Variants in RARB observed in about 807,000 individuals in gnomAD.
The protein encoded by RARB is retinoic acid receptor beta.
In RARB, 17 loss-of-function variants were observed where a neutral mutation model predicts 51.9. That is an observed-to-expected ratio of 0.33 (90% confidence interval 0.22 to 0.49). RARB has a LOEUF of 0.49. RARB is among the 20% of genes least tolerant of loss of function. The pLI, the probability that RARB is intolerant of heterozygous loss-of-function variation, is 0.99. For synonymous variants in RARB, 215 were observed against 195.4 expected (o/e 1.10, Z -0.84); for missense variants, 369 against 550.8 (o/e 0.67, Z 3.30).
At chr3:25,329,516 C>G (rs779240272) in intron 5 of RARB, among the ~76,000 whole-genome samples, 15 of 152,162 alleles carry the variant, frequency 9.9e-5, no homozygotes, top group Non-Finnish European at 2.2e-4. Context: ...ATATCACCAT[C>G]ATCAAAGACC....
chr3:25,278,647 GT>G (rs1455664902), intron 5 of RARB, among the ~76,000 whole-genome samples: 1 of 152,194 alleles, frequency 6.6e-6, no homozygotes, highest in Non-Finnish European at 1.5e-5. Context: ...ATCTAAATGG[GT>G]AGAAACCCAG....
chr3:25,169,766 T>A (rs1452800561), intron 4 of RARB, among the ~76,000 whole-genome samples: 1 of 151,890 alleles, frequency 6.6e-6, no homozygotes, highest in Admixed American at 6.5e-5. Flanking sequence ...GGCAGAAGGA[T>A]CACTTGAGTC....
intron 5 of RARB, among the ~76,000 whole-genome samples, chr3:25,592,074 T>C (rs552253252): frequency 2.0e-4 from 30 of 151,446 alleles, no homozygotes; most frequent in African/African-American, 6.9e-4. Context: ...GATGAGAGAT[T>C]TGACAGAAGT....
At chr3:25,580,993 A>T (rs1021404922) in intron 5 of RARB, among the ~76,000 whole-genome samples, 5 of 152,108 alleles carry the variant, frequency 3.3e-5, no homozygotes, top group Admixed American at 1.3e-4. Context: ...GTCTGTTTCT[A>T]AGTTTACCCC....
Position 25,225,001 on chromosome 3 carries a change from G to A in RARB, c.178+50426G>A, listed in dbSNP as rs73149229. On this transcript the variant is annotated intron_variant, in intron 5 of 11. Coordinates refer to the RARB transcript ENST00000383772. ...AGATGTAGTCCTCTATAGTACTCTAGATTTTATAAATTTTATAAATCTAGA... is the reference window on the plus strand; with the variant it reads ...AGATGTAGTCCTCTATAGTACTCTAAATTTTATAAATTTTATAAATCTAGA... Among the ~76,000 whole-genome samples, 858 of 152,116 alleles carry A rather than the reference G, an allele frequency of 5.6e-3. 14 individuals are homozygous for A. Among genetic ancestry groups the A allele is most frequent in the African/African-American group, 0.018 (758 of 41,502 alleles).
chr3:25,570,403 C>T (rs1375670480), intron 4 of RARB, among the ~76,000 whole-genome samples: 2 of 152,206 alleles, frequency 1.3e-5, no homozygotes, highest in South Asian at 2.1e-4. Context: ...AAGAGGCCAT[C>T]CCCTGGGCCA....
intron 5 of RARB, among the ~76,000 whole-genome samples, chr3:25,348,555 C>T (rs967263029): frequency 6.6e-6 from 1 of 151,986 alleles, no homozygotes; most frequent in African/African-American, 2.4e-5. Context: ...GTAAAAAATA[C>T]TGCAAGCTGA....
intron 5 of RARB, among the ~76,000 whole-genome samples, chr3:25,334,371 C>T (rs1704997596): frequency 6.6e-6 from 1 of 152,106 alleles, no homozygotes; most frequent in Non-Finnish European, 1.5e-5. Flanking sequence ...GAGTTCATGT[C>T]CTTTTTAGGG....
At chr3:25,012,158 C>A (rs1178674681) in intron 2 of RARB, among the ~76,000 whole-genome samples, 3 of 151,910 alleles carry the variant, frequency 2.0e-5, no homozygotes, top group Non-Finnish European at 4.4e-5. Flanking sequence ...TTACATTGAC[C>A]CCACTAAACA....
At chr3:25,447,532 C>G (rs1401993378) in intron 1 of RARB, among the ~76,000 whole-genome samples, 2 of 152,198 alleles carry the variant, frequency 1.3e-5, no homozygotes, top group Admixed American at 6.5e-5. Context: ...ATGTTGCTGA[C>G]TGATAATCAC....
chr3:24,930,870 A>G (rs1247140054), intron 2 of RARB, among the ~76,000 whole-genome samples: 1 of 152,058 alleles, frequency 6.6e-6, no homozygotes, highest in Non-Finnish European at 1.5e-5. Context: ...AAAAATAGCC[A>G]GGTGTGGTGG....
At chr3:24,890,393 T>C (rs1334027191) in intron 2 of RARB, among the ~76,000 whole-genome samples, 1 of 152,214 alleles carries the variant, frequency 6.6e-6, no homozygotes, top group Non-Finnish European at 1.5e-5. Flanking sequence ...CACATTCACA[T>C]TGACTATATC....
Position 25,252,953 on chromosome 3 carries a change from A to G in RARB, c.178+78378A>G, listed in dbSNP as rs181832162. Among the ~76,000 whole-genome samples, 9 of 152,200 alleles carry G rather than the reference A, an allele frequency of 5.9e-5. No individual in the cohort carries two copies. In the East Asian group the frequency reaches 1.5e-3, roughly 26 times the overall value. On this transcript the variant is annotated intron_variant, in intron 5 of 11. Coordinates refer to the RARB transcript ENST00000383772. ...TTGAGCCCAACTGAGCAGAGTCTCT[A>G]TGAAGGGGAGGGTAATATGCACTCT...
At chr3:24,936,534 C>T (rs529834668) in intron 2 of RARB, among the ~76,000 whole-genome samples, 146 of 152,232 alleles carry the variant, frequency 9.6e-4, no homozygotes, top group African/African-American at 3.4e-3. Context: ...ACTTCTCTTC[C>T]TTAATCAGAA....
intron 2 of RARB, among the ~76,000 whole-genome samples, chr3:25,011,394 A>G (rs994877535): frequency 3.9e-5 from 6 of 152,148 alleles, no homozygotes; most frequent in Non-Finnish European, 8.8e-5. Context: ...TACTTATGAC[A>G]GTGATTTCTT....
chr3:24,944,308 C>T (rs1404237916), intron 2 of RARB, among the ~76,000 whole-genome samples: 1 of 152,198 alleles, frequency 6.6e-6, no homozygotes, highest in Non-Finnish European at 1.5e-5. Flanking sequence ...GGGTCTCAAG[C>T]ACAGAGTCCA....
chr3:25,010,651 C>A (rs1367782217), intron 2 of RARB, among the ~76,000 whole-genome samples: 1 of 152,058 alleles, frequency 6.6e-6, no homozygotes, highest in Non-Finnish European at 1.5e-5. Context: ...CCCCACAGTA[C>A]CCCTGTGAGA....
At chr3:24,902,609 C>T (rs1186435037) in intron 2 of RARB, among the ~76,000 whole-genome samples, 2 of 152,124 alleles carry the variant, frequency 1.3e-5, no homozygotes, top group Non-Finnish European at 2.9e-5. Flanking sequence ...TGAGACTGCT[C>T]ACTGACCTCC....
rs376001680 is a variant in RARB at position 25,146,659 on chromosome 3, C to T, written c.-280+14451C>T. ...AGTAGCTGGGACTAGCGCCTGCCAC[C>T]GCGCCCGGCTAATTTTTTGTGGGGT... On this transcript the variant is annotated intron_variant, in intron 4 of 11. Transcript: ENST00000383772. Among the ~76,000 whole-genome samples, 14 of 151,286 alleles carry T rather than the reference C, an allele frequency of 9.3e-5. 1 individual carries two copies. The highest frequency in any genetic ancestry group is 2.0e-4 in the East Asian group (1 of 5,090).
Sources: allele counts gnomAD v4.1 joint callset (sites outside exome capture counted in the v4.1 genomes callset), GRCh38; gene constraint gnomAD v4.1.1; transcripts MANE v1.5; gene names NCBI Gene and HGNC (gene_info 2026-07-23, HGNC 2026-07-21).